The following DHRS7 variants were observed in gnomAD, a reference collection of about 807,000 sequenced individuals.
The protein encoded by DHRS7 is dehydrogenase/reductase SDR family member 7.
A neutral mutation model predicts 38.9 loss-of-function variants in DHRS7; 34 were observed. The observed-to-expected ratio is 0.87, with a 90% CI of 0.66 to 1.16. The LOEUF is 1.16. Among genes scored for constraint, DHRS7 ranks in the 50% most tolerant of loss-of-function variants. The probability of loss-of-function intolerance (pLI) is 0.00; values close to 1 mark genes in which losing one functional copy is unlikely to be tolerated. For missense variants in DHRS7, 421 were observed against 407.0 expected (o/e 1.03, Z -0.30); for synonymous variants, 158 against 153.1 (o/e 1.03, Z -0.24).
At chr14:60,151,532 A>G (rs1210722365) in intron 4 of DHRS7, among the ~76,000 whole-genome samples, 2 of 149,408 alleles carry the variant, frequency 1.3e-5, no homozygotes, top group Non-Finnish European at 2.9e-5. Flanking sequence ...CTCAGAGATG[A>G]ACCCAAAAAA....
rs2140584451 is a variant in DHRS7, at chr14:60,146,480, C to T, written c.973-1467G>A. 6.6e-6 allele frequency: 1 copy of T among 152,002 alleles called. No homozygotes were observed. The highest frequency in any genetic ancestry group is 1.9e-4 in the East Asian group (1 of 5,180). The allele number at this position is 152,002 out of a possible 1,614,324, so 9.4% of individuals were successfully genotyped here. On this transcript the variant is annotated intron_variant, in intron 6 of 6. Coordinates refer to ENST00000557185, the MANE Select transcript of DHRS7 (RefSeq NM_016029.4). The surrounding 1 kb of genome is among the most constrained non-coding windows in gnomAD (Gnocchi z 4.9). ...AGACATTATGGAAAATACGGAAATT[C>T]CTCAAAAAATTAAAAATAGAATTAC...
intron 1 of DHRS7, among the ~76,000 whole-genome samples, chr14:60,164,237 A>AC (rs1896821567): frequency 2.3e-5 from 2 of 87,742 alleles, no homozygotes; most frequent in Non-Finnish European, 4.1e-5. Flanking sequence ...GATCAATATC[A>AC]CCCCCCTCAA....
chr14:60,160,886 T>C (rs1004144581), intron 1 of DHRS7, among the ~76,000 whole-genome samples: 4 of 152,200 alleles, frequency 2.6e-5, no homozygotes, highest in African/African-American at 7.2e-5. Flanking sequence ...CTACCGCATC[T>C]GGCCAACTTT....
chr14:60,162,520 TCTTTA>T lies in DHRS7; in HGVS notation c.133+2652_133+2656del, dbSNP rs1382798515. On this transcript the variant is annotated intron_variant, in intron 1 of 6. Coordinates refer to ENST00000557185, the MANE Select transcript of DHRS7 (RefSeq NM_016029.4). The surrounding 1 kb of genome is among the most constrained non-coding windows in gnomAD (Gnocchi z 4.5). ...CTAGGGCACAAGGGTCAGAGAAAGC[TCTTTA>T]CTTTTTACTATATATCTTTTTGTAT... Among the ~76,000 whole-genome samples the T allele has an allele frequency of 1.3e-5, 2 of 152,316 alleles. No individual in the cohort carries two copies. Among genetic ancestry groups the T allele is most frequent in the South Asian group, 4.1e-4 (2 of 4,828 alleles).
At chr14:60,158,232 G>GAAA (rs34207942) in intron 1 of DHRS7, among the ~76,000 whole-genome samples, 128 of 83,130 alleles carry the variant, frequency 1.5e-3, no homozygotes, top group East Asian at 4.4e-3. Flanking sequence ...GACTCTGTCG[G>GAAA]AAAAAAAAAA....
In DHRS7 at chr14:60,161,669, C is replaced by G. The variant is rs1471332859; in HGVS notation, c.133+3508G>C. On this transcript the variant is annotated intron_variant, in intron 1 of 6. Coordinates refer to ENST00000557185, the MANE Select transcript of DHRS7 (RefSeq NM_016029.4). The surrounding 1 kb of genome is among the most constrained non-coding windows in gnomAD (Gnocchi z 4.2). ...GTTCCTCTTTATTAAAGGGAGCTGG[C>G]TAGGGCAGGACACAGGATTCGGTAG... Among the ~76,000 whole-genome samples the G allele has an allele frequency of 6.6e-6, 1 of 152,138 alleles. No individual in the cohort carries two copies. The highest frequency in any genetic ancestry group is 1.5e-5 in the Non-Finnish European group (1 of 68,020).
chr14:60,169,726 T>C (rs574628127), upstream of DHRS7: 74 of 152,358 alleles, frequency 4.9e-4, no homozygotes, highest in African/African-American at 1.8e-3. Flanking sequence ...TAAAGTCCCA[T>C]TTCTGGATCC....
upstream of DHRS7, chr14:60,166,235 T>C (rs1419567430): frequency 6.1e-6 from 6 of 985,466 alleles, no homozygotes; most frequent in East Asian, 5.7e-4. Context: ...AGCATCTTTC[T>C]TGTTTTCAAG....
chr14:60,154,638 G>T (rs1334901578), intron 2 of DHRS7, among the ~76,000 whole-genome samples: 1 of 152,110 alleles, frequency 6.6e-6, no homozygotes, highest in African/African-American at 2.4e-5. Context: ...AATTTTCCTG[G>T]ACTCTAACCT....
chr14:60,164,170 A>G (rs1428053037), intron 1 of DHRS7, among the ~76,000 whole-genome samples: 2 of 144,906 alleles, frequency 1.4e-5, no homozygotes, highest in Non-Finnish European at 3.0e-5. Context: ...AAACCACTGT[A>G]TTACCAGATT....
At chr14:60,156,234 G>GAAAT in intron 1 of DHRS7, 82 bp from the exon 2 acceptor site, 1 of 1,265,790 alleles carries the variant, frequency 7.9e-7, no homozygotes, top group East Asian at 2.7e-5. Flanking sequence ...AAAAAAGAAA[G>GAAAT]CCTTAAACAA....
intron 1 of DHRS7, 78 bp from the exon 2 acceptor site, chr14:60,156,230 G>GAA: frequency 7.9e-7 from 1 of 1,260,174 alleles, no homozygotes; most frequent in South Asian, 2.2e-5. Context: ...AAAAAAAAAA[G>GAA]AAAGCCTTAA....
chr14:60,160,689 A>G (rs1033794187), intron 1 of DHRS7, among the ~76,000 whole-genome samples: 7 of 151,388 alleles, frequency 4.6e-5, no homozygotes, highest in East Asian at 1.9e-4. Context: ...GCTCAAGCCA[A>G]CCTCCCACCT....
Position 60,150,137 on chromosome 14 carries a change from T to C in DHRS7, c.684A>G (p.Ile228Met). The change falls in exon 5 of 7, where the codon ATA becomes ATG. Residue 228 changes from isoleucine (I) to methionine (M), a missense_variant. Ile to Met is a conservative substitution (Grantham distance 10). Transcript: ENST00000557185. ...CAGGTCCTGGGCAAATGTTAGAAAC[T>C]ATTATACCTGGGTATGTGGCAAGTT... Reference protein sequence around the residue: ...RTELATYPGIIVSNICPGPVQ... With the variant: ...RTELATYPGIMVSNICPGPVQ... The C allele has an allele frequency of 1.2e-6, 2 of 1,602,460 alleles. No individual in the cohort carries two copies. The highest frequency in any genetic ancestry group is 1.7e-6 in the Non-Finnish European group (2 of 1,176,446).
chr14:60,162,710 T>C lies in DHRS7; in HGVS notation c.133+2467A>G, dbSNP rs1042698421. ...TTTGGGAATCTGAGTCTATTTCAATTTTCCTTTAATCTTTTCTTCTTTCTC... is the reference window on the plus strand; with the variant it reads ...TTTGGGAATCTGAGTCTATTTCAATCTTCCTTTAATCTTTTCTTCTTTCTC... On this transcript the variant is annotated intron_variant, in intron 1 of 6. Coordinates refer to ENST00000557185, the MANE Select transcript of DHRS7 (RefSeq NM_016029.4). The surrounding 1 kb of genome is among the most constrained non-coding windows in gnomAD (Gnocchi z 4.5). 2.6e-5 allele frequency among the ~76,000 whole-genome samples: 4 copies of C among 152,148 alleles called. No homozygotes were observed. The highest frequency in any genetic ancestry group is 4.8e-5 in the African/African-American group (2 of 41,412).
intron 1 of DHRS7, among the ~76,000 whole-genome samples, chr14:60,156,406 CA>C (rs1211145753): frequency 6.6e-6 from 1 of 151,794 alleles, no homozygotes; most frequent in Non-Finnish European, 1.5e-5. Flanking sequence ...ATGACTTTTC[CA>C]GACTTTACTT....
chr14:60,152,096 C>T (rs1896558179), intron 4 of DHRS7, among the ~76,000 whole-genome samples: 1 of 152,222 alleles, frequency 6.6e-6, no homozygotes, highest in African/African-American at 2.4e-5. Context: ...ACCAAAGCTT[C>T]AAATTTTCAT....
rs1896462456 is a variant in DHRS7 at position 60,148,541 on chromosome 14, T to A, written c.972+812A>T. On this transcript the variant is annotated intron_variant, in intron 6 of 6. Coordinates refer to ENST00000557185, the MANE Select transcript of DHRS7 (RefSeq NM_016029.4). The surrounding 1 kb of genome is among the most constrained non-coding windows in gnomAD (Gnocchi z 4.8). ...GCTGAAAGAATGATAATCAGCATAT[T>A]TCCTTAGACAGGGGAATAGGCACAT... Among the ~76,000 whole-genome samples, 1 of 152,198 alleles carries A rather than the reference T, an allele frequency of 6.6e-6. No individual in the cohort carries two copies. The highest frequency in any genetic ancestry group is 2.4e-5 in the African/African-American group (1 of 41,456).
intron 6 of DHRS7, chr14:60,147,246 A>G (rs1426876829): frequency 6.6e-6 from 1 of 152,160 alleles, no homozygotes; most frequent in Non-Finnish European, 1.5e-5. Flanking sequence ...AAGAAAAAAA[A>G]TGGTAGATAT....
Sources: allele counts gnomAD v4.1 joint callset (sites outside exome capture counted in the v4.1 genomes callset), GRCh38; gene constraint gnomAD v4.1.1; non-coding constraint Gnocchi (gnomAD v3.1); transcripts MANE v1.5; gene names NCBI Gene and HGNC (gene_info 2026-07-23, HGNC 2026-07-21).